FOXJ3: variants seen among roughly 807,000 people sequenced by gnomAD.
The protein encoded by FOXJ3 is forkhead box J3.
In FOXJ3, 22 loss-of-function variants were observed where a neutral mutation model predicts 76.1. The observed-to-expected ratio is 0.29, with a 90% CI of 0.21 to 0.41. FOXJ3 has a LOEUF of 0.41. Among genes scored for constraint, FOXJ3 ranks in the 10% least tolerant of loss-of-function variants. The pLI, the probability that FOXJ3 is intolerant of heterozygous loss-of-function variation, is 1.00. For synonymous variants in FOXJ3, 269 were observed against 261.2 expected, an observed-to-expected ratio of 1.03 and a Z score of -0.29; for missense variants, 613 against 762.1, an observed-to-expected ratio of 0.80 and a Z score of 2.30.
Position 42,278,621 on chromosome 1 carries a change from C to T in FOXJ3, c.96G>A (p.Gln32=). ...TTTGGATGGCTGCTCTCATGGTGAG[C>T]TGTGGTAACCAGTCCATAGACGTTA... ...SSLTSMDWLP[Q]LTMRAAIQKS... Residue 32 remains glutamine (Q), a synonymous_variant, in exon 3 of 13, where the codon CAG becomes CAA. Coordinates refer to ENST00000361346, the MANE Select transcript of FOXJ3 (RefSeq NM_014947.5). 1 of 1,614,132 alleles carries T rather than the reference C, an allele frequency of 6.2e-7. No individual in the cohort carries two copies. Among genetic ancestry groups the T allele is most frequent in the Non-Finnish European group, 8.5e-7 (1 of 1,180,016 alleles).
chr1:42,242,350 C>G (rs936842206), intron 4 of FOXJ3, among the ~76,000 whole-genome samples: 6 of 151,552 alleles, frequency 4.0e-5, no homozygotes, highest in Admixed American at 1.3e-4. Flanking sequence ...CACAAATAAA[C>G]AGTACAAAGA....
intron 4 of FOXJ3, among the ~76,000 whole-genome samples, chr1:42,261,949 AGTACTAAT>A (rs1348501229): frequency 6.6e-6 from 1 of 152,228 alleles, no homozygotes; most frequent in Non-Finnish European, 1.5e-5. Flanking sequence ...TCATGGAAAA[AGTACTAAT>A]CTAAGAACTA....
At position 42,188,801 on chromosome 1, in the gene FOXJ3, AT is replaced by A; in HGVS notation, c.1580del (p.Asn527MetfsTer27). On this transcript the variant is annotated frameshift_variant, in exon 11 of 13. Transcript: ENST00000361346. LOFTEE classifies it high-confidence loss of function. ...TQTGLIHSQS[N>X]VQQNVCHGAM... ...CACCATGACAAACATTTTGTTGAACATTACTCTGTGAATGTATAAGGCCAGT... is the reference window on the plus strand; with the variant it reads ...CACCATGACAAACATTTTGTTGAACATACTCTGTGAATGTATAAGGCCAGT... The A allele has an allele frequency of 6.2e-7, 1 of 1,613,102 alleles. No individual in the cohort carries two copies. The highest frequency in any genetic ancestry group is 8.5e-7 in the Non-Finnish European group (1 of 1,179,446).
chr1:42,319,222 CTGTTT>C (rs56158851), intron 1 of FOXJ3, among the ~76,000 whole-genome samples: 5,986 of 150,692 alleles, frequency 0.04, 147 homozygotes, highest in South Asian at 0.094. Flanking sequence ...CAGCAAGACC[CTGTTT>C]TGTTTTGTTT....
rs4019586 is a variant in FOXJ3 at position 42,248,534 on chromosome 1, C to CAAA, written c.444+16578_444+16580dup. Among the ~76,000 whole-genome samples the CAAA allele has an allele frequency of 3.6e-3, 491 of 136,000 alleles. 6 individuals are homozygous for CAAA. The highest frequency in any genetic ancestry group is 0.014 in the African/African-American group (477 of 34,820). The allele number at this position is 136,000 out of a possible 152,430, so 89.2% of individuals were successfully genotyped here. A position where few individuals can be genotyped will look rare whatever the true frequency, so the allele number is the denominator to read the frequency against. On this transcript the variant is annotated intron_variant, in intron 4 of 12. Transcript: ENST00000361346. ...GGGCGACAGAGCAAGACTGCGTCTC[C>CAAA]AAAAAAAAAAAAAAAAAAGACAACA...
intron 2 of FOXJ3, among the ~76,000 whole-genome samples, chr1:42,284,203 ATAACC>A (rs1652908052): frequency 6.6e-6 from 1 of 152,206 alleles, no homozygotes; most frequent in Non-Finnish European, 1.5e-5. Context: ...TACAAGTAAC[ATAACC>A]TAAACTAGCA....
At chr1:42,194,857 CTT>C in intron 8 of FOXJ3, 31 bp downstream of exon 8, 1 of 1,428,490 alleles carries the variant, frequency 7.0e-7, no homozygotes, top group Non-Finnish European at 9.5e-7. Context: ...TCCAATAAAA[CTT>C]TGTTATAAAA....
intron 11 of FOXJ3, 152 bp downstream of exon 11, chr1:42,188,585 A>G (rs1334791845): frequency 6.6e-6 from 3 of 457,452 alleles, no homozygotes; most frequent in Admixed American, 3.9e-5. Flanking sequence ...TACCCTACAT[A>G]TAAATTATTT....
intron 3 of FOXJ3, among the ~76,000 whole-genome samples, 178 bp from the exon 4 acceptor site, chr1:42,265,367 G>A (rs1651384337): frequency 1.3e-5 from 2 of 152,136 alleles, no homozygotes; most frequent in African/African-American, 4.8e-5. Flanking sequence ...TGAATGCTAT[G>A]AGGGGAAGCT....
intron 1 of FOXJ3, among the ~76,000 whole-genome samples, chr1:42,324,477 A>C (rs1655710588): frequency 6.6e-6 from 1 of 151,462 alleles, no homozygotes; most frequent in Non-Finnish European, 1.5e-5. Context: ...ATTAAGTTTA[A>C]ACACGCAACA....
intron 2 of FOXJ3, chr1:42,280,438 T>TAAAAAAAAAAAAA (rs71065112): frequency 5.2e-5 from 4 of 77,582 alleles, no homozygotes; most frequent in Non-Finnish European, 7.6e-5. Context: ...TCAGAGATCT[T>TAAAAAAAAAAAAA]AAAAAAAAAA....
chr1:42,287,456 T>C (rs1385815787), intron 2 of FOXJ3, among the ~76,000 whole-genome samples: 4 of 152,238 alleles, frequency 2.6e-5, no homozygotes, highest in Admixed American at 2.6e-4. Flanking sequence ...TCATAATGAC[T>C]GTAACATATT....
intron 2 of FOXJ3, among the ~76,000 whole-genome samples, chr1:42,291,073 G>C (rs1457671976): frequency 1.3e-5 from 2 of 149,706 alleles, no homozygotes; most frequent in Non-Finnish European, 1.5e-5. Flanking sequence ...TAGATAGATA[G>C]ATAGATAGAT....
chr1:42,309,358 C>T (rs1407146904), intron 2 of FOXJ3, among the ~76,000 whole-genome samples: 1 of 152,152 alleles, frequency 6.6e-6, no homozygotes, highest in Non-Finnish European at 1.5e-5. Flanking sequence ...AAAGAATGCT[C>T]GACTACCACT....
chr1:42,243,134 T>C (rs1649280549), intron 4 of FOXJ3, among the ~76,000 whole-genome samples: 1 of 152,066 alleles, frequency 6.6e-6, no homozygotes, highest in African/African-American at 2.4e-5. Flanking sequence ...ATACAAAAAC[T>C]GAAGGAATTC....
intron 6 of FOXJ3, among the ~76,000 whole-genome samples, chr1:42,204,341 T>C (rs1270066172): frequency 1.3e-5 from 2 of 152,174 alleles, no homozygotes; most frequent in African/African-American, 4.8e-5. Context: ...TTTACACAGA[T>C]AGGCAGAAAG....
At chr1:42,330,183 T>C (rs920293507) in intron 1 of FOXJ3, among the ~76,000 whole-genome samples, 8 of 152,216 alleles carry the variant, frequency 5.3e-5, no homozygotes, top group Non-Finnish European at 8.8e-5. Context: ...TTTAGGCCCA[T>C]AGTAAGGCTT....
intron 1 of FOXJ3, chr1:42,315,283 T>A (rs1030766881): frequency 3.1e-6 from 1 of 323,414 alleles, no homozygotes; most frequent in African/African-American, 2.2e-5. Context: ...ACTTTGTGAA[T>A]ACATTAAAAA....
At chr1:42,237,405 CAT>C (rs60560055) in intron 4 of FOXJ3, among the ~76,000 whole-genome samples, 11,564 of 140,616 alleles carry the variant, frequency 0.082, 752 homozygotes, top group African/African-American at 0.19. Flanking sequence ...TACATACATA[CAT>C]ATATATATAT....
Sources: gnomAD v4.1 joint callset for allele counts (sites outside exome capture counted in the v4.1 genomes callset) on GRCh38, gnomAD v4.1.1 for gene constraint, MANE v1.5 for transcripts, NCBI Gene and HGNC (gene_info 2026-07-23, HGNC 2026-07-21) for gene names.